The following ERC2 variants were observed in gnomAD, a reference collection of about 807,000 sequenced individuals.
ERC2 encodes the protein ELKS/RAB6-interacting/CAST family member 2.
Under a neutral mutation model 114.8 loss-of-function variants are expected in ERC2, and 42 were observed. The observed-to-expected ratio is 0.37, with a 90% confidence interval of 0.29 to 0.47. The LOEUF (loss-of-function observed/expected upper bound fraction) is 0.47, where lower values mean the gene tolerates loss of function less well. Among genes scored for constraint, ERC2 ranks in the 20% least tolerant of loss-of-function variants. ERC2 has a pLI of 0.99. For missense variants in ERC2, 939 were observed against 1,150.7 expected (o/e 0.82, Z 2.66); for synonymous variants, 454 against 425.5 (o/e 1.07, Z -0.82).
At chr3:56,099,278 G>A (rs1237067904) in intron 6 of ERC2, among the ~76,000 whole-genome samples, 6 of 152,166 alleles carry the variant, frequency 3.9e-5, no homozygotes, top group Admixed American at 2.0e-4. Context: ...TTCCAGAACT[G>A]TCAGACAATA....
At chr3:56,014,200 A>G (rs1204069360) in intron 8 of ERC2, among the ~76,000 whole-genome samples, 7 of 152,216 alleles carry the variant, frequency 4.6e-5, no homozygotes, top group Non-Finnish European at 8.8e-5. Context: ...CATAATTTTT[A>G]AAAATCTGAA....
intron 14 of ERC2, among the ~76,000 whole-genome samples, chr3:55,864,212 C>G (rs141256528): frequency 7.4e-6 from 1 of 135,320 alleles, no homozygotes; most frequent in Non-Finnish European, 1.5e-5. Flanking sequence ...TATATACACA[C>G]ATATATACAC....
Position 55,510,885 on chromosome 3 carries a change from C to T in ERC2, c.*431G>A, listed in dbSNP as rs1479098702. ...ACTGGAGATGAGGCTAGTTGTCCAA[C>T]AGAAGCTGAATCCACAGATAAAATC... On this transcript the variant is annotated 3_prime_UTR_variant, in exon 18 of 18. Coordinates refer to ENST00000288221, the MANE Select transcript of ERC2 (RefSeq NM_015576.3). The T allele has an allele frequency of 6.6e-6, 1 of 152,188 alleles. No homozygotes were observed. The highest frequency in any genetic ancestry group is 2.4e-5 in the African/African-American group (1 of 41,434). The allele number at this position is 152,188 out of a possible 1,614,324, so 9.4% of individuals were successfully genotyped here. A position where few individuals can be genotyped will look rare whatever the true frequency, so the allele number is the denominator to read the frequency against.
intron 14 of ERC2, among the ~76,000 whole-genome samples, chr3:55,745,240 G>C (rs529079613): frequency 2.4e-4 from 36 of 152,276 alleles, no homozygotes; most frequent in African/African-American, 8.4e-4. Context: ...GTCTATAACT[G>C]TCCAATATCA....
chr3:56,043,688 G>A (rs993401468), intron 7 of ERC2, among the ~76,000 whole-genome samples: 4 of 151,916 alleles, frequency 2.6e-5, no homozygotes, highest in African/African-American at 7.3e-5. Flanking sequence ...ATACTCATAC[G>A]TTCATTTTCT....
At position 56,316,047 on chromosome 3, in the gene ERC2, C is replaced by G. The variant is rs535611203; in HGVS notation, c.658-19612G>C. ...TACATAAACTTCAACACACTAGATCCCTCACCAAGTCAGAGGGAGGCCACA... is the reference window on the plus strand; with the variant it reads ...TACATAAACTTCAACACACTAGATCGCTCACCAAGTCAGAGGGAGGCCACA... On this transcript the variant is annotated intron_variant, in intron 2 of 17. Coordinates refer to ENST00000288221, the MANE Select transcript of ERC2 (RefSeq NM_015576.3). Among the ~76,000 whole-genome samples, 4 of 151,980 alleles carry G rather than the reference C, an allele frequency of 2.6e-5. No individual in the cohort carries two copies. In the South Asian group the frequency reaches 8.3e-4, roughly 32 times the overall value.
intron 2 of ERC2, among the ~76,000 whole-genome samples, chr3:56,397,602 A>G (rs1350220172): frequency 1.3e-5 from 2 of 152,160 alleles, no homozygotes; most frequent in East Asian, 3.9e-4. Context: ...ATGCTTTCCA[A>G]TGTTGCATCT....
chr3:56,054,715 T>G (rs1163925002), intron 7 of ERC2, among the ~76,000 whole-genome samples: 1 of 152,204 alleles, frequency 6.6e-6, no homozygotes, highest in Non-Finnish European at 1.5e-5. Flanking sequence ...CCTAGTTCAA[T>G]ATACTGTCTG....
chr3:56,325,970 C>A (rs1225540811), intron 2 of ERC2, among the ~76,000 whole-genome samples: 2 of 152,210 alleles, frequency 1.3e-5, no homozygotes, highest in African/African-American at 4.8e-5. Context: ...ATCAGACACA[C>A]TCTGGTTGCA....
At chr3:55,575,184 T>C (rs2056912812) in intron 17 of ERC2, among the ~76,000 whole-genome samples, 1 of 152,104 alleles carries the variant, frequency 6.6e-6, no homozygotes. Context: ...CCAGCTAATT[T>C]TTTGGTATTT....
At chr3:56,182,421 G>A (rs1272833962) in intron 3 of ERC2, among the ~76,000 whole-genome samples, 5 of 152,326 alleles carry the variant, frequency 3.3e-5, no homozygotes, top group Admixed American at 6.5e-5. Context: ...AAGCCTGGAA[G>A]TCCTACAGTA....
intron 3 of ERC2, among the ~76,000 whole-genome samples, chr3:56,282,789 T>C (rs1049346053): frequency 8.5e-5 from 13 of 152,114 alleles, no homozygotes; most frequent in Middle Eastern, 3.2e-3. Flanking sequence ...AACCCTCAAA[T>C]GTTCCAGTGC....
chr3:56,155,384 A>G (rs1237804883), intron 4 of ERC2, among the ~76,000 whole-genome samples: 1 of 151,896 alleles, frequency 6.6e-6, no homozygotes, highest in African/African-American at 2.4e-5. Context: ...AAAAAAGAAA[A>G]TAACCGCATG....
intron 3 of ERC2, among the ~76,000 whole-genome samples, chr3:56,204,983 T>C (rs2048635465): frequency 6.6e-6 from 1 of 151,960 alleles, no homozygotes; most frequent in Non-Finnish European, 1.5e-5. Flanking sequence ...TAAAGCCACA[T>C]GCTGGATTTA....
intron 6 of ERC2, among the ~76,000 whole-genome samples, chr3:56,112,906 G>A (rs1172793023): frequency 2.0e-5 from 3 of 151,984 alleles, no homozygotes; most frequent in Admixed American, 2.0e-4. Context: ...CCCATCATCA[G>A]ACATATTAGC....
intron 13 of ERC2, among the ~76,000 whole-genome samples, chr3:55,916,218 T>C (rs1315370036): frequency 6.6e-6 from 1 of 152,154 alleles, no homozygotes; most frequent in African/African-American, 2.4e-5. Context: ...AAGCACCCAA[T>C]TTATTCCCAT....
At chr3:55,985,027 G>T (rs1576456842) in intron 12 of ERC2, among the ~76,000 whole-genome samples, 1 of 152,208 alleles carries the variant, frequency 6.6e-6, no homozygotes, top group African/African-American at 2.4e-5. Flanking sequence ...ATTATCGCTT[G>T]CCTCTCAATA....
intron 3 of ERC2, among the ~76,000 whole-genome samples, chr3:56,280,258 A>G (rs1297589983): frequency 2.0e-5 from 3 of 152,202 alleles, no homozygotes; most frequent in African/African-American, 4.8e-5. Context: ...TCCAGAAGGA[A>G]TGCAGGCCTG....
At chr3:56,423,105 A>C (rs1261110697) in intron 2 of ERC2, among the ~76,000 whole-genome samples, 1 of 152,214 alleles carries the variant, frequency 6.6e-6, no homozygotes, top group South Asian at 2.1e-4. Context: ...ATGATTACCA[A>C]TCCATAATTG....
Sources: allele counts gnomAD v4.1 joint callset (sites outside exome capture counted in the v4.1 genomes callset), GRCh38; gene constraint gnomAD v4.1.1; transcripts MANE v1.5; gene names NCBI Gene and HGNC (gene_info 2026-07-23, HGNC 2026-07-21).